Variants in NOVA1 observed in about 807,000 individuals in gnomAD.
NOVA1 encodes NOVA alternative splicing regulator 1.
Under a neutral mutation model 38.0 loss-of-function variants are expected in NOVA1, and 7 were observed. The ratio of observed to expected loss-of-function variants is 0.18; its 90% CI spans 0.10 to 0.35. The LOEUF is 0.35. NOVA1 is among the 10% of genes least tolerant of loss of function. The pLI is 1.00. For synonymous variants in NOVA1, 270 were observed against 232.5 expected (o/e 1.16, Z -1.47); for missense variants, 460 against 616.0 (o/e 0.75, Z 2.68).
At chr14:26,450,859 A>G (rs1026625234) in intron 4 of NOVA1, among the ~76,000 whole-genome samples, 3 of 152,188 alleles carry the variant, frequency 2.0e-5, no homozygotes, top group Admixed American at 2.0e-4. Context: ...TTTTATGGAT[A>G]AGCAATTCTT....
intron 4 of NOVA1, among the ~76,000 whole-genome samples, chr14:26,466,549 A>G (rs1432875737): frequency 1.3e-5 from 2 of 152,186 alleles, no homozygotes; most frequent in African/African-American, 4.8e-5. Flanking sequence ...TGGGAAAACA[A>G]AATTTAAAAT....
At chr14:26,510,470 C>T (rs1263931591) in intron 2 of NOVA1, among the ~76,000 whole-genome samples, 1 of 152,142 alleles carries the variant, frequency 6.6e-6, no homozygotes, top group Non-Finnish European at 1.5e-5. Context: ...AAATGAAATT[C>T]TTGATAAAGG....
intron 2 of NOVA1, among the ~76,000 whole-genome samples, chr14:26,504,302 T>C (rs528947358): frequency 1.3e-5 from 2 of 152,294 alleles, no homozygotes; most frequent in East Asian, 3.9e-4. Context: ...ACTTAACGTG[T>C]CTATTTCAGC....
At chr14:26,525,373 T>G (rs900188989) in intron 2 of NOVA1, among the ~76,000 whole-genome samples, 8 of 152,246 alleles carry the variant, frequency 5.3e-5, no homozygotes, top group Non-Finnish European at 1.0e-4. Context: ...TTAAGGTCAT[T>G]TATTGCCTTA....
At chr14:26,539,767 G>A (rs911045665) in intron 2 of NOVA1, among the ~76,000 whole-genome samples, 2 of 151,968 alleles carry the variant, frequency 1.3e-5, no homozygotes, top group African/African-American at 2.4e-5. Context: ...GCAAGGATAA[G>A]CATATATTCA....
chr14:26,532,204 A>G (rs1411990488), intron 2 of NOVA1, among the ~76,000 whole-genome samples: 1 of 152,210 alleles, frequency 6.6e-6, no homozygotes, highest in Non-Finnish European at 1.5e-5. Context: ...AAGATAAACG[A>G]AAGCATAACT....
At chr14:26,482,867 T>C (rs1199007152) in intron 2 of NOVA1, among the ~76,000 whole-genome samples, 1 of 152,026 alleles carries the variant, frequency 6.6e-6, no homozygotes, top group African/African-American at 2.4e-5. Flanking sequence ...GCCTGGCTAA[T>C]TTTTTGGATT....
intron 2 of NOVA1, among the ~76,000 whole-genome samples, chr14:26,531,181 G>A (rs1317074817): frequency 6.6e-6 from 1 of 152,184 alleles, no homozygotes; most frequent in Non-Finnish European, 1.5e-5. Flanking sequence ...TTTAGAGTCT[G>A]TCAAATGTGT....
chr14:26,578,830 C>T (rs1185448669), intron 2 of NOVA1, among the ~76,000 whole-genome samples: 1 of 152,056 alleles, frequency 6.6e-6, no homozygotes, highest in Non-Finnish European at 1.5e-5. Context: ...CTTTAGTCAT[C>T]CCTAATACAG....
intron 2 of NOVA1, chr14:26,593,922 G>A (rs923380968): frequency 6.6e-6 from 1 of 151,864 alleles, no homozygotes; most frequent in African/African-American, 2.4e-5. Flanking sequence ...TATTGACAGT[G>A]AATTTAATTT....
rs375514933 is a variant in NOVA1, at chr14:26,494,975, C to T, written c.281-14832G>A. Among the ~76,000 whole-genome samples, 3 of 152,240 alleles carry T rather than the reference C, an allele frequency of 2.0e-5. No homozygotes were observed. The East Asian group carries it at 5.8e-4, about 29-fold the overall frequency. On this transcript the variant is annotated intron_variant, in intron 2 of 4. Transcript: ENST00000539517. ...AACCCTTTACTATGGCTTTCAAAACCCATCAAGATCTGACCTCTGCTGAGC... is the reference window on the plus strand; with the variant it reads ...AACCCTTTACTATGGCTTTCAAAACTCATCAAGATCTGACCTCTGCTGAGC...
chr14:26,454,307 C>T (rs1882976211), intron 4 of NOVA1, among the ~76,000 whole-genome samples: 1 of 152,172 alleles, frequency 6.6e-6, no homozygotes, highest in East Asian at 1.9e-4. Flanking sequence ...TATACTCACA[C>T]CCATAACCTT....
intron 2 of NOVA1, among the ~76,000 whole-genome samples, chr14:26,529,389 C>T (rs1023954675): frequency 1.3e-5 from 2 of 152,164 alleles, no homozygotes; most frequent in African/African-American, 4.8e-5. Flanking sequence ...CTGCCCACTT[C>T]TGTCTCCCAA....
chr14:26,575,311 T>C (rs1952339948), intron 2 of NOVA1, among the ~76,000 whole-genome samples: 1 of 152,162 alleles, frequency 6.6e-6, no homozygotes, highest in Non-Finnish European at 1.5e-5. Flanking sequence ...GAGATAAATC[T>C]ACACAAAATC....
rs201838948 is a variant in NOVA1 at position 26,597,464 on chromosome 14, GAGA to G, written c.-31_-29del. The G allele has an allele frequency of 8.8e-4, 1,134 of 1,281,616 alleles. 10 individuals are homozygous for G. The African/African-American group carries it at 0.016, about 18-fold the overall frequency. The allele number at this position is 1,281,616 out of a possible 1,614,324, so 79.4% of individuals were successfully genotyped here. On this transcript the variant is annotated 5_prime_UTR_variant, in exon 1 of 5. Transcript: ENST00000539517. Reference sequence around the variant, plus strand: ...TTGCAGTTCCTGCCGCTGCTACCGGGAGAAGGTTCTCCCTTTTGTTTTGGCTTT... The same window carrying G: ...TTGCAGTTCCTGCCGCTGCTACCGGGAGGTTCTCCCTTTTGTTTTGGCTTT...
intron 2 of NOVA1, 55 bp from the exon 3 acceptor site, chr14:26,480,198 T>A: frequency 2.7e-6 from 4 of 1,500,592 alleles, no homozygotes; most frequent in Admixed American, 4.2e-5. Context: ...ATTAAAAAAA[T>A]TATGAAAAAG....
At chr14:26,580,775 G>A (rs1466223808) in intron 2 of NOVA1, among the ~76,000 whole-genome samples, 1 of 151,786 alleles carries the variant, frequency 6.6e-6, no homozygotes, top group Non-Finnish European at 1.5e-5. Flanking sequence ...ATAGGTCAGA[G>A]CTTTGGCATT....
intron 2 of NOVA1, among the ~76,000 whole-genome samples, chr14:26,576,688 T>C (rs1892867140): frequency 6.6e-6 from 1 of 151,812 alleles, no homozygotes; most frequent in African/African-American, 2.4e-5. Context: ...AGATTTTATT[T>C]TTATATAATC....
At chr14:26,537,662 C>G (rs1890200512) in intron 2 of NOVA1, among the ~76,000 whole-genome samples, 1 of 152,112 alleles carries the variant, frequency 6.6e-6, no homozygotes, top group African/African-American at 2.4e-5. Flanking sequence ...CCATACAGTA[C>G]AGCAGTAAAC....
Sources: gnomAD v4.1 joint callset for allele counts (sites outside exome capture counted in the v4.1 genomes callset) on GRCh38, gnomAD v4.1.1 for gene constraint, MANE v1.5 for transcripts, NCBI Gene and HGNC (gene_info 2026-07-23, HGNC 2026-07-21) for gene names.